The following SFMBT2 variants were observed in gnomAD, a reference collection of about 807,000 sequenced individuals.
SFMBT2 encodes the protein Scm like with four mbt domains 2.
In SFMBT2, 38 loss-of-function variants were observed where a neutral mutation model predicts 110.1. The ratio of observed to expected loss-of-function variants is 0.35; its 90% CI spans 0.27 to 0.45. The LOEUF (loss-of-function observed/expected upper bound fraction) is 0.45. Among genes scored for constraint, SFMBT2 ranks in the 20% least tolerant of loss-of-function variants. The probability of loss-of-function intolerance (pLI) is 1.00; values close to 1 mark genes in which losing one functional copy is unlikely to be tolerated. For missense variants in SFMBT2, 1,011 were observed against 1,094.9 expected, an observed-to-expected ratio of 0.92 and a Z score of 1.08; for synonymous variants, 425 against 425.4, an observed-to-expected ratio of 1.00 and a Z score of 0.01.
At chr10:7,237,546 A>C (rs1222584725) in intron 9 of SFMBT2, among the ~76,000 whole-genome samples, 1 of 152,144 alleles carries the variant, frequency 6.6e-6, no homozygotes, top group Admixed American at 6.5e-5. Context: ...AATCTTTAGG[A>C]GGGTGCTCAC....
At chr10:7,403,278 A>G (rs1214731251) in intron 1 of SFMBT2, among the ~76,000 whole-genome samples, 2 of 152,142 alleles carry the variant, frequency 1.3e-5, no homozygotes, top group African/African-American at 2.4e-5. Context: ...CAAAGACTCA[A>G]TCAAACTCCT....
rs779012792 is a variant in SFMBT2 at position 7,175,992 on chromosome 10, T to C, written c.1982A>G (p.Tyr661Cys). 6.2e-7 allele frequency: 1 copy of C among 1,612,428 alleles called. No homozygotes were observed. The highest frequency in any genetic ancestry group is 1.1e-5 in the South Asian group (1 of 90,990). ...ENCSIHTKTK[Y>C]TYYYGKRKKI... ...CTTTTTTCATTATTTGTACTTACTGTATTTGGTTTTGGTATGAATGGAGCA... is the reference window on the plus strand; with the variant it reads ...CTTTTTTCATTATTTGTACTTACTGCATTTGGTTTTGGTATGAATGGAGCA... The change falls in exon 17 of 21, where the codon TAC (tyrosine) becomes TGC (cysteine). Residue 661 changes from tyrosine to cysteine, a missense_variant and splice_region_variant. Physicochemically the swap from Tyr to Cys is radical, Grantham distance 194. This residue lies in a region of SFMBT2 where 979 missense variants were observed against 1,016.1 expected (regional missense o/e 0.96). Transcript: ENST00000397167.
chr10:7,304,543 G>A (rs183326945), intron 4 of SFMBT2, among the ~76,000 whole-genome samples: 31 of 152,178 alleles, frequency 2.0e-4, no homozygotes, highest in African/African-American at 7.0e-4. Flanking sequence ...ATGTTCCAAG[G>A]GACCTTTAAC....
rs1305659937 is a variant in SFMBT2 at position 7,382,020 on chromosome 10, TTG to T, written c.-51-73_-51-72del. On this transcript the variant is annotated intron_variant, in intron 1 of 20. Transcript: ENST00000397167. Reference sequence around the variant, plus strand: ...TGATTATATTCACTTATTTTTAATTTTGTTTAAAAAAAACCTTATTAGTGCCA... The same window carrying T: ...TGATTATATTCACTTATTTTTAATTTTTTAAAAAAAACCTTATTAGTGCCA... 4.6e-6 allele frequency: 4 copies of T among 866,000 alleles called. 1 individual carries two copies. The highest frequency in any genetic ancestry group is 6.5e-6 in the Non-Finnish European group (4 of 611,944). 53.6% of individuals were successfully genotyped at this position (866,000 alleles called of 1,614,324 possible).
chr10:7,211,567 C>T (rs1285283749), intron 11 of SFMBT2, among the ~76,000 whole-genome samples: 1 of 152,172 alleles, frequency 6.6e-6, no homozygotes, highest in Non-Finnish European at 1.5e-5. Context: ...CAAACAAACA[C>T]CTGTGGCGGG....
chr10:7,204,921 C>T lies in SFMBT2; in HGVS notation c.1444+894G>A, dbSNP rs550197474. On this transcript the variant is annotated intron_variant, in intron 12 of 20. Coordinates refer to ENST00000397167, the MANE Select transcript of SFMBT2 (RefSeq NM_001387889.1). Reference sequence around the variant, plus strand: ...TTGCATGTATTTAAATGTGCATGTGCGTGTGTGCACACATGTATGAATGGG... The same window carrying T: ...TTGCATGTATTTAAATGTGCATGTGTGTGTGTGCACACATGTATGAATGGG... 67 of 984,684 alleles carry T rather than the reference C, an allele frequency of 6.8e-5. No individual in the cohort carries two copies. The African/African-American group carries it at 7.7e-4, about 11-fold the overall frequency. The allele number at this position is 984,684 out of a possible 1,614,324, so 61.0% of individuals were successfully genotyped here.
intron 4 of SFMBT2, among the ~76,000 whole-genome samples, chr10:7,325,499 C>T (rs534612339): frequency 6.6e-6 from 1 of 152,226 alleles, no homozygotes; most frequent in Admixed American, 6.5e-5. Flanking sequence ...TCAATCCAGT[C>T]AGAGCCAAGG....
intron 8 of SFMBT2, 77 bp downstream of exon 8, chr10:7,248,471 C>G: frequency 8.3e-7 from 1 of 1,204,276 alleles, no homozygotes; most frequent in Non-Finnish European, 1.2e-6. Context: ...CATATGTCAT[C>G]TGGTCGTCTT....
intron 4 of SFMBT2, among the ~76,000 whole-genome samples, chr10:7,354,160 G>A (rs988645566): frequency 6.6e-6 from 1 of 151,764 alleles, no homozygotes; most frequent in Admixed American, 6.6e-5. Flanking sequence ...TTTAACAGCA[G>A]CCTATATGCC....
At chr10:7,303,944 T>C (rs1415192113) in intron 4 of SFMBT2, among the ~76,000 whole-genome samples, 2 of 152,196 alleles carry the variant, frequency 1.3e-5, no homozygotes, top group Non-Finnish European at 2.9e-5. Context: ...TTTCCCTTCC[T>C]GCATGTTACT....
At chr10:7,391,835 TCATTTTG>T (rs967904383) in intron 1 of SFMBT2, among the ~76,000 whole-genome samples, 3 of 152,232 alleles carry the variant, frequency 2.0e-5, no homozygotes, top group African/African-American at 7.2e-5. Context: ...ATCCATTTTT[TCATTTTG>T]CATTACACAG....
At chr10:7,346,947 G>A (rs1324267176) in intron 4 of SFMBT2, among the ~76,000 whole-genome samples, 1 of 152,084 alleles carries the variant, frequency 6.6e-6, no homozygotes, top group Admixed American at 6.5e-5. Flanking sequence ...CCGAGATTGT[G>A]CCACTGCGCT....
chr10:7,167,525 G>A (rs1471222838), intron 20 of SFMBT2, among the ~76,000 whole-genome samples: 3 of 152,146 alleles, frequency 2.0e-5, no homozygotes, highest in Non-Finnish European at 2.9e-5. Context: ...GATCTCATTC[G>A]CATGCCAGTG....
chr10:7,224,619 C>T (rs147997371), intron 10 of SFMBT2, among the ~76,000 whole-genome samples: 343 of 152,332 alleles, frequency 2.3e-3, no homozygotes, highest in Admixed American at 4.0e-3. Flanking sequence ...TCACGTTCCA[C>T]TACCTTCAAA....
At chr10:7,181,440 C>T (rs535565140) in intron 16 of SFMBT2, among the ~76,000 whole-genome samples, 31 of 152,140 alleles carry the variant, frequency 2.0e-4, no homozygotes, top group African/African-American at 4.6e-4. Context: ...TTGGGGGTGA[C>T]GGGGCATCAG....
At chr10:7,246,134 A>G (rs762800453) in intron 8 of SFMBT2, 83 of 984,580 alleles carry the variant, frequency 8.4e-5, no homozygotes, top group Middle Eastern at 1.0e-3. Context: ...AACATGGTCA[A>G]TAAGAGGAGG....
intron 4 of SFMBT2, among the ~76,000 whole-genome samples, chr10:7,333,696 C>T (rs1039566108): frequency 6.6e-6 from 1 of 151,794 alleles, no homozygotes; most frequent in East Asian, 1.9e-4. Flanking sequence ...CTCTCTCCCC[C>T]ACTCCCTACA....
At chr10:7,169,380 CT>C (rs1289044334) in intron 20 of SFMBT2, among the ~76,000 whole-genome samples, 2 of 152,190 alleles carry the variant, frequency 1.3e-5, no homozygotes, top group African/African-American at 2.4e-5. Flanking sequence ...AAGAACTACT[CT>C]CTTTGGGTGG....
chr10:7,196,918 T>G (rs1040383813), intron 15 of SFMBT2, among the ~76,000 whole-genome samples: 2 of 152,204 alleles, frequency 1.3e-5, no homozygotes, highest in East Asian at 1.9e-4. Context: ...ATCCTCAGGA[T>G]TCACCTGTCT....
Sources: gnomAD v4.1 joint callset for allele counts (sites outside exome capture counted in the v4.1 genomes callset) on GRCh38, gnomAD v4.1.1 for gene constraint, gnomAD v4.1.1 regional missense constraint, MANE v1.5 for transcripts, NCBI Gene and HGNC (gene_info 2026-07-23, HGNC 2026-07-21) for gene names.